The following LAMB3 variants were observed in gnomAD, a reference collection of about 807,000 sequenced individuals.
LAMB3 encodes the protein laminin subunit beta-3.
A neutral mutation model predicts 140.3 loss-of-function variants in LAMB3; 104 were observed. That is an observed-to-expected ratio of 0.74 (90% CI 0.63 to 0.87). The LOEUF (loss-of-function observed/expected upper bound fraction) is 0.87. Among genes scored for constraint, LAMB3 ranks in the 40% least tolerant of loss-of-function variants. LAMB3 has a pLI of 0.00. For synonymous variants in LAMB3, 592 were observed against 602.9 expected (o/e 0.98, Z 0.26); for missense variants, 1,531 against 1,575.2 (o/e 0.97, Z 0.47).
In LAMB3 at chr1:209,618,621, C is replaced by T. The variant is rs779175415; in HGVS notation, c.2740G>A (p.Glu914Lys). The T allele has an allele frequency of 2.5e-6, 4 of 1,614,040 alleles. No individual in the cohort carries two copies. The highest frequency in any genetic ancestry group is 2.2e-5 in the East Asian group (1 of 44,870). Residue 914 changes from glutamate to lysine, a missense_variant, in exon 19 of 23, where the codon GAG becomes AAG. Glu to Lys is a moderately conservative substitution (Grantham distance 56). Coordinates refer to ENST00000356082, the MANE Select transcript of LAMB3 (RefSeq NM_000228.3). ...GGCAGCCACAGGGCCAGCACGGCCTCGCTGACCTCCTGGATAGTGGCTGCA... is the reference window on the plus strand; with the variant it reads ...GGCAGCCACAGGGCCAGCACGGCCTTGCTGACCTCCTGGATAGTGGCTGCA... ...TDAATIQEVSEAVLALWLPTD... is the reference protein window; with the variant it reads ...TDAATIQEVSKAVLALWLPTD...
At chr1:209,631,490 A>G (rs1375391497) in intron 8 of LAMB3, among the ~76,000 whole-genome samples, 1 of 152,176 alleles carries the variant, frequency 6.6e-6, no homozygotes. Flanking sequence ...TGGTGCCTCT[A>G]ATTCCATAGA....
intron 18 of LAMB3, among the ~76,000 whole-genome samples, chr1:209,619,523 G>A (rs1295694159): frequency 6.6e-6 from 1 of 152,220 alleles, no homozygotes; most frequent in Non-Finnish European, 1.5e-5. Context: ...TTCCTGATCG[G>A]TGAAAAAGGA....
At chr1:209,635,735 A>T (rs1157796732) in intron 5 of LAMB3, among the ~76,000 whole-genome samples, 1 of 152,198 alleles carries the variant, frequency 6.6e-6, no homozygotes, top group Non-Finnish European at 1.5e-5. Flanking sequence ...GGGTTTTGCC[A>T]TGTTGGCCAG....
intron 3 of LAMB3, among the ~76,000 whole-genome samples, chr1:209,644,196 C>T (rs113603124): frequency 2.0e-3 from 312 of 152,290 alleles, no homozygotes; most frequent in Non-Finnish European, 2.9e-3. Context: ...CTAGTGCAGG[C>T]GCTGGGTGGG....
chr1:209,621,190 G>C (rs907227071), intron 18 of LAMB3, among the ~76,000 whole-genome samples: 17 of 152,248 alleles, frequency 1.1e-4, no homozygotes, highest in African/African-American at 3.9e-4. Context: ...CCCTGGCTGA[G>C]ATTAATGCAG....
rs200501999 is a variant in LAMB3 at position 209,634,454 on chromosome 1, C to G, written c.557G>C (p.Gly186Ala). 6.2e-7 allele frequency: 1 copy of G among 1,614,080 alleles called. No individual in the cohort carries two copies. ...LPQRPNARLN[G>A]GKVQLNLMDL... ...AGGATTCCCTCTACCTACCTTCCCC[C>G]CATTTAGGCGTGCATTAGGCCTCTG... The change falls in exon 6 of 23, where the codon GGG becomes GCG. Residue 186 changes from glycine to alanine, a missense_variant. Gly to Ala is a moderately conservative substitution (Grantham distance 60). Transcript: ENST00000356082.
chr1:209,616,069 T>G (rs1234908739), intron 22 of LAMB3, among the ~76,000 whole-genome samples: 2 of 152,142 alleles, frequency 1.3e-5, no homozygotes, highest in East Asian at 3.9e-4. Context: ...ATCTCAAATC[T>G]TCTTTTCTTA....
At position 209,615,358 on chromosome 1, in the gene LAMB3, T is replaced by C. The variant is rs1049607; in HGVS notation, c.3432A>G (p.Ser1144=). 0.38 allele frequency: 610,710 copies of C among 1,612,508 alleles called. 118,694 individuals carry two copies. The highest frequency in any genetic ancestry group is 0.61 in the African/African-American group (45,990 of 74,914). The change falls in exon 23 of 23, where the codon TCA becomes TCG. Residue 1144 remains serine (S), a synonymous_variant. Coordinates refer to ENST00000356082, the MANE Select transcript of LAMB3 (RefSeq NM_000228.3). Reference sequence around the variant, plus strand: ...GCTTCTCCAGTCCTGTCAGGTCCGCTGAGCGCAGCATGATGGCCTGGCTGC... The same window carrying C: ...GCTTCTCCAGTCCTGTCAGGTCCGCCGAGCGCAGCATGATGGCCTGGCTGC... ...LRGSQAIMLR[S]ADLTGLEKRV... is the part of the protein sequence containing the mutation.
At position 209,615,395 on chromosome 1, in the gene LAMB3, T is replaced by TC. The variant is rs786201004; in HGVS notation, c.3394dup (p.Glu1132GlyfsTer28). ...GATGGCCTGGCTGCCCCGCAGCAGC[T>TC]CCAACTCCATGTCTGAGGCAAATGG... On this transcript the variant is annotated frameshift_variant, in exon 23 of 23. Coordinates refer to ENST00000356082, the MANE Select transcript of LAMB3 (RefSeq NM_000228.3). LOFTEE classifies it high-confidence loss of function. The TC allele has an allele frequency of 6.2e-7, 1 of 1,602,388 alleles. No individual in the cohort carries two copies. The highest frequency in any genetic ancestry group is 8.5e-7 in the Non-Finnish European group (1 of 1,172,346).
rs1666418404 is a variant in LAMB3, at chr1:209,625,796, ACAGGCTGGCGGTGG to A, written c.1814_1827del (p.Ala605ValfsTer21). 2 of 1,614,030 alleles carry A rather than the reference ACAGGCTGGCGGTGG, an allele frequency of 1.2e-6. No homozygotes were observed. Among genetic ancestry groups the A allele is most frequent in the Non-Finnish European group, 1.7e-6 (2 of 1,180,036 alleles). ...CGGTCCTCCAGCCCAGGCCCTGACCACAGGCTGGCGGTGGCATTGCGGAGTCTACCAAAGCGCAG... is the reference window on the plus strand; with the variant it reads ...CGGTCCTCCAGCCCAGGCCCTGACCACATTGCGGAGTCTACCAAAGCGCAG... On this transcript the variant is annotated frameshift_variant, in exon 14 of 23. Coordinates refer to ENST00000356082, the MANE Select transcript of LAMB3 (RefSeq NM_000228.3). LOFTEE classifies it high-confidence loss of function.
chr1:209,634,682 G>A (rs1223060273), intron 5 of LAMB3, 44 bp from the exon 6 acceptor site: 2 of 1,505,750 alleles, frequency 1.3e-6, no homozygotes, highest in South Asian at 1.2e-5. Context: ...CACTGGGGCT[G>A]TGCCCCGTGG....
At chr1:209,638,006 G>C in intron 4 of LAMB3, 25 bp from the exon 5 acceptor site, 1 of 1,588,962 alleles carries the variant, frequency 6.3e-7, no homozygotes, top group South Asian at 1.1e-5. Context: ...AATAGAAACT[G>C]TCATCCAGAG....
At chr1:209,642,507 A>C (rs974980173) in intron 3 of LAMB3, among the ~76,000 whole-genome samples, 13 of 151,500 alleles carry the variant, frequency 8.6e-5, no homozygotes, top group African/African-American at 2.7e-4. Flanking sequence ...ATAGGGTCTC[A>C]CTCTCTCACC....
chr1:209,630,726 C>T lies in LAMB3; in HGVS notation c.832G>A (p.Val278Ile). Residue 278 changes from valine to isoleucine, a missense_variant, in exon 9 of 23, where the codon GTC becomes ATC. Transcript: ENST00000356082. The part of the protein sequence containing the change: ...GPSTAVQVHD[V>I]CVCQHNTAGP... The stretch of plus-strand genomic sequence containing the variant: ...GCAGTGTTGTGCTGGCAGACACAGA[C>T]ATCGTGGACCTGGGAGGGGGACCGT... The T allele has an allele frequency of 6.2e-7, 1 of 1,613,972 alleles. No homozygotes were observed. The highest frequency in any genetic ancestry group is 8.5e-7 in the Non-Finnish European group (1 of 1,179,998).
intron 14 of LAMB3, among the ~76,000 whole-genome samples, chr1:209,625,314 C>T (rs770500378): frequency 1.5e-4 from 23 of 152,266 alleles, no homozygotes; most frequent in Non-Finnish European, 2.8e-4. Context: ...GGATGCCCTC[C>T]GCCAGGGTGA....
chr1:209,638,608 T>C lies in LAMB3; in HGVS notation c.224A>G (p.His75Arg). 6.2e-7 allele frequency: 1 copy of C among 1,614,084 alleles called. No homozygotes were observed. The highest frequency in any genetic ancestry group is 8.5e-7 in the Non-Finnish European group (1 of 1,179,952). Residue 75 changes from histidine (H) to arginine (R), a missense_variant, in exon 4 of 23, where the codon CAC (histidine) becomes CGC (arginine). Physicochemically the swap from His to Arg is conservative, Grantham distance 29. Transcript: ENST00000356082. ...CTCTACTCGGTGACTGTAGTAGTTGTGAGGCTGCCTGGAGTCACACTTGCA... is the reference window on the plus strand; with the variant it reads ...CTCTACTCGGTGACTGTAGTAGTTGCGAGGCTGCCTGGAGTCACACTTGCA... The part of the protein sequence containing the change: ...KCCKCDSRQP[H>R]NYYSHRVENV...
intron 10 of LAMB3, among the ~76,000 whole-genome samples, chr1:209,628,664 C>G (rs1666564331): frequency 6.8e-6 from 1 of 147,932 alleles, no homozygotes. Flanking sequence ...CCATTGCACT[C>G]CAGCCTGGGC....
At chr1:209,617,806 C>T (rs1021521790) in intron 20 of LAMB3, 101 bp downstream of exon 20, 15 of 1,487,410 alleles carry the variant, frequency 1.0e-5, no homozygotes, top group African/African-American at 4.1e-5. Flanking sequence ...TAGAACTCCA[C>T]CTCAGGTTTT....
chr1:209,617,374 C>T lies in LAMB3; in HGVS notation c.3228+36G>A, dbSNP rs758099312. The T allele has an allele frequency of 5.5e-5, 88 of 1,604,582 alleles. No individual in the cohort carries two copies. The South Asian group carries it at 6.8e-4, about 12-fold the overall frequency. ...CCTCTGCTCAGGACCCCCTCACTGGCCGTACATCATTGAGCTAACTCCGCC... is the reference window on the plus strand; with the variant it reads ...CCTCTGCTCAGGACCCCCTCACTGGTCGTACATCATTGAGCTAACTCCGCC... On this transcript the variant is annotated intron_variant, in intron 21 of 22. Transcript: ENST00000356082.
Sources: allele counts gnomAD v4.1 joint callset (sites outside exome capture counted in the v4.1 genomes callset), GRCh38; gene constraint gnomAD v4.1.1; transcripts MANE v1.5; gene names NCBI Gene and HGNC (gene_info 2026-07-23, HGNC 2026-07-21).